The following ZNF160 variants were observed in gnomAD, a reference collection of about 807,000 sequenced individuals.
The protein encoded by ZNF160 is zinc finger protein 160, also known as KRAB zinc finger protein KR18.
A neutral mutation model predicts 13.1 loss-of-function variants in ZNF160; 9 were observed. The ratio of observed to expected loss-of-function variants is 0.69; its 90% CI spans 0.41 to 1.20. The LOEUF is 1.20. Among genes scored for constraint, ZNF160 ranks in the 50% most tolerant of loss-of-function variants. The pLI, the probability that ZNF160 is intolerant of heterozygous loss-of-function variation, is 0.01. For missense variants in ZNF160, 838 were observed against 988.0 expected (o/e 0.85, Z 2.04); for synonymous variants, 293 against 333.2 (o/e 0.88, Z 1.31).
chr19:53,095,049 C>T (rs1290738751), intron 1 of ZNF160, among the ~76,000 whole-genome samples: 1 of 147,496 alleles, frequency 6.8e-6, no homozygotes, highest in African/African-American at 2.5e-5. Flanking sequence ...CACCCCACCC[C>T]TTCCCCACTG....
chr19:53,095,193 C>G (rs1345832729), intron 1 of ZNF160, among the ~76,000 whole-genome samples: 1 of 143,682 alleles, frequency 7.0e-6, no homozygotes, highest in East Asian at 2.1e-4. Context: ...CAGGCCCCGC[C>G]CACAGCAGTT....
intron 3 of ZNF160, among the ~76,000 whole-genome samples, chr19:53,079,865 A>G (rs901609393): frequency 3.3e-5 from 5 of 152,042 alleles, no homozygotes; most frequent in African/African-American, 1.2e-4. Flanking sequence ...GTGAGAGGGT[A>G]GTTTGAGTCC....
At chr19:53,072,168 C>CT (rs1433644475) in intron 5 of ZNF160, among the ~76,000 whole-genome samples, 1 of 149,648 alleles carries the variant, frequency 6.7e-6, no homozygotes, top group Non-Finnish European at 1.5e-5. Flanking sequence ...GTGCTGCGAT[C>CT]TTGGCTTGCT....
intron 1 of ZNF160, among the ~76,000 whole-genome samples, chr19:53,097,827 T>C (rs2085292989): frequency 1.3e-5 from 2 of 152,204 alleles, no homozygotes; most frequent in Admixed American, 1.3e-4. Flanking sequence ...AGGATGGTTT[T>C]TGCACTTCCC....
At position 53,067,854 on chromosome 19, in the gene ZNF160, G is replaced by A. The variant is rs745642969; in HGVS notation, c.*223C>T. On this transcript the variant is annotated 3_prime_UTR_variant, in exon 6 of 6. Coordinates refer to ENST00000683776, the MANE Select transcript of ZNF160 (RefSeq NM_001322131.2). ...TCAGGATGCATATTACATTTGTTTC[G>A]TTTCATCAAAGATATAAATCTTGAT... 4 of 517,826 alleles carry A rather than the reference G, an allele frequency of 7.7e-6. No homozygotes were observed. Among genetic ancestry groups the A allele is most frequent in the Admixed American group, 3.7e-5 (1 of 26,856 alleles). 32.1% of individuals were successfully genotyped at this position (517,826 alleles called of 1,614,324 possible).
At chr19:53,094,250 C>G (rs2085137879) in intron 1 of ZNF160, among the ~76,000 whole-genome samples, 1 of 152,158 alleles carries the variant, frequency 6.6e-6, no homozygotes, top group Admixed American at 6.6e-5. Context: ...ACACCCTGGT[C>G]CAGGGTCCTT....
intron 2 of ZNF160, among the ~76,000 whole-genome samples, chr19:53,087,682 C>A (rs187825969): frequency 6.6e-6 from 1 of 152,156 alleles, no homozygotes; most frequent in African/African-American, 2.4e-5. Flanking sequence ...TCCTGAGTAG[C>A]TGGGATTACA....
chr19:53,101,423 A>AATATAT (rs35223076), intron 1 of ZNF160, among the ~76,000 whole-genome samples: 2 of 149,080 alleles, frequency 1.3e-5, no homozygotes, highest in Non-Finnish European at 3.0e-5. Flanking sequence ...CCATTTTGAA[A>AATATAT]ATATATATAT....
intron 5 of ZNF160, among the ~76,000 whole-genome samples, 163 bp downstream of exon 5, chr19:53,073,977 A>G (rs996789274): frequency 1.3e-5 from 2 of 151,870 alleles, no homozygotes; most frequent in African/African-American, 4.8e-5. Context: ...TTTAGTAGAG[A>G]TAGGGTTTCA....
intron 1 of ZNF160, among the ~76,000 whole-genome samples, chr19:53,102,490 T>C (rs778011387): frequency 1.3e-5 from 2 of 152,222 alleles, no homozygotes; most frequent in Non-Finnish European, 2.9e-5. Flanking sequence ...TCTCCTTATC[T>C]TGTTGTCCTG....
At chr19:53,101,065 G>A (rs1208789945) in intron 1 of ZNF160, among the ~76,000 whole-genome samples, 2 of 151,870 alleles carry the variant, frequency 1.3e-5, no homozygotes, top group Non-Finnish European at 2.9e-5. Context: ...GATCACTTGA[G>A]GTCAGGAGGT....
At position 53,067,942 on chromosome 19, in the gene ZNF160, C is replaced by A; in HGVS notation, c.*135G>T. On this transcript the variant is annotated 3_prime_UTR_variant, in exon 6 of 6. Coordinates refer to ENST00000683776, the MANE Select transcript of ZNF160 (RefSeq NM_001322131.2). ...ACATATGTTTACATGATGTCTCTTG[C>A]TTATGGCCTCTCATATCTATTAATG... is the stretch of plus-strand genomic sequence containing the variant. The A allele has an allele frequency of 7.9e-7, 1 of 1,260,406 alleles. No individual in the cohort carries two copies. Among genetic ancestry groups the A allele is most frequent in the Non-Finnish European group, 1.1e-6 (1 of 915,456 alleles). 78.1% of individuals were successfully genotyped at this position (1,260,406 alleles called of 1,614,324 possible).
chr19:53,089,465 G>A (rs996979574), intron 2 of ZNF160, among the ~76,000 whole-genome samples: 2 of 151,844 alleles, frequency 1.3e-5, no homozygotes, highest in Non-Finnish European at 2.9e-5. Context: ...TCATGTTCTC[G>A]CCCCTACCCA....
rs764721071 is a variant in ZNF160, at chr19:53,068,047, A to G, written c.*30T>C. On this transcript the variant is annotated 3_prime_UTR_variant, in exon 6 of 6. Coordinates refer to ENST00000683776, the MANE Select transcript of ZNF160 (RefSeq NM_001322131.2). ...GAATGAAATTAACTGATGTGAAAGG[A>G]GTGAATTGTACCTAATGACCTCACC... 7 of 1,554,786 alleles carry G rather than the reference A, an allele frequency of 4.5e-6. No homozygotes were observed. The East Asian group carries it at 1.4e-4, about 30-fold the overall frequency.
chr19:53,079,837 T>C (rs2084557405), intron 3 of ZNF160, among the ~76,000 whole-genome samples: 1 of 151,618 alleles, frequency 6.6e-6, no homozygotes, highest in African/African-American at 2.4e-5. Context: ...TGTAATCACA[T>C]CACTGTGGGA....
chr19:53,094,103 C>T (rs1440721909), intron 1 of ZNF160, among the ~76,000 whole-genome samples: 1 of 152,160 alleles, frequency 6.6e-6, no homozygotes, highest in Non-Finnish European at 1.5e-5. Context: ...ATCTACAACA[C>T]AAAATACTCC....
intron 1 of ZNF160, among the ~76,000 whole-genome samples, chr19:53,098,684 T>C (rs1352374613): frequency 2.0e-5 from 3 of 151,570 alleles, no homozygotes; most frequent in Non-Finnish European, 4.4e-5. Flanking sequence ...ACTTAGCTTC[T>C]GAACTTCTCG....
Position 53,070,026 on chromosome 19 carries a change from T to A in ZNF160, c.508A>T (p.Arg170Ter). The change falls in exon 6 of 6, where the codon AGA becomes TGA. Residue 170 changes from arginine to a stop codon, truncating the protein, a stop_gained. Coordinates refer to ENST00000683776, the MANE Select transcript of ZNF160 (RefSeq NM_001322131.2). LOFTEE classifies it low-confidence loss of function (END_TRUNC). ...TTCATAAGCTTGTTTTCTATGTCTC[T>A]TCTGTCGCGTTGATCTCTTTTACCT... is the stretch of plus-strand genomic sequence containing the variant. ...KEGKRDQRDR[R>*]DIENKLMNNQ... is the part of the protein sequence containing the mutation. 1 of 1,614,046 alleles carries A rather than the reference T, an allele frequency of 6.2e-7. No homozygotes were observed. The highest frequency in any genetic ancestry group is 8.5e-7 in the Non-Finnish European group (1 of 1,179,948).
intron 2 of ZNF160, among the ~76,000 whole-genome samples, chr19:53,087,563 A>T (rs995613577): frequency 1.3e-5 from 2 of 151,428 alleles, no homozygotes; most frequent in African/African-American, 4.9e-5. Flanking sequence ...TTAATTAATT[A>T]ATTTTTGAGA....
Sources: gnomAD v4.1 joint callset for allele counts (sites outside exome capture counted in the v4.1 genomes callset) on GRCh38, gnomAD v4.1.1 for gene constraint, MANE v1.5 for transcripts, NCBI Gene and HGNC (gene_info 2026-07-23, HGNC 2026-07-21) for gene names.